The following KLHL4 variants were observed in gnomAD, a reference collection of about 807,000 sequenced individuals.
KLHL4 encodes kelch like family member 4.
Under a neutral mutation model 45.8 loss-of-function variants are expected in KLHL4, and 17 were observed. That is an observed-to-expected ratio of 0.37 (90% CI 0.25 to 0.56). The LOEUF is 0.56. KLHL4 is among the 20% of genes least tolerant of loss of function. The pLI is 0.79. For synonymous variants in KLHL4, 224 were observed against 189.9 expected (o/e 1.18, Z -1.47); for missense variants, 544 against 544.9 (o/e 1.00, Z 0.02).
intron 1 of KLHL4, among the ~76,000 whole-genome samples, chrX:87,558,445 C>T (rs1392181349): frequency 9.0e-6 from 1 of 111,189 alleles, no homozygotes; most frequent in African/African-American, 3.3e-5. Flanking sequence ...TTTATCACAC[C>T]TCAATCATCT....
chrX:87,667,326 G>A lies in KLHL4; in HGVS notation c.*792G>A. 1.4e-6 allele frequency: 1 copy of A among 695,301 alleles called. No homozygotes were observed. The highest frequency in any genetic ancestry group is 1.7e-6 in the Non-Finnish European group (1 of 586,189). The allele number at this position is 695,301 out of a possible 1,213,427, so 57.3% of individuals were successfully genotyped here. A position where few individuals can be genotyped will look rare whatever the true frequency, so the allele number is the denominator to read the frequency against. ...TGTGACCTCAGCTTCAGAGTGTCAG[G>A]GCCTCACTTGTATAGAATGTAATGT... is the stretch of plus-strand genomic sequence containing the variant. On this transcript the variant is annotated 3_prime_UTR_variant, in exon 11 of 11. Transcript: ENST00000373119.
At chrX:87,538,246 A>G (rs1222565370) in intron 1 of KLHL4, among the ~76,000 whole-genome samples, 3 of 111,437 alleles carry the variant, frequency 2.7e-5, no homozygotes, top group African/African-American at 9.8e-5. Flanking sequence ...AGAAGTCCAC[A>G]TGAATCAAAG....
Position 87,574,861 on chromosome X carries a change from CAT to C in KLHL4, c.423-39015_423-39014del, listed in dbSNP as rs1428458328. Among the ~76,000 whole-genome samples the C allele has an allele frequency of 4.5e-5, 5 of 111,836 alleles. No individual in the cohort carries two copies. In the South Asian group the frequency reaches 1.1e-3, roughly 25 times the overall value. ...CAGTGTTGGTGATATAACGAAATAA[CAT>C]GTGTGCCACTGTTCTGTAAAGTGTA... On this transcript the variant is annotated intron_variant, in intron 1 of 10. Coordinates refer to ENST00000373119, the MANE Select transcript of KLHL4 (RefSeq NM_019117.5).
chrX:87,581,111 G>A (rs1181897449), intron 1 of KLHL4, among the ~76,000 whole-genome samples: 1 of 112,489 alleles, frequency 8.9e-6, no homozygotes, highest in East Asian at 2.8e-4. Flanking sequence ...TGGCCAGACT[G>A]CTTTTTTAAG....
chrX:87,657,482 GTAT>G (rs1924030157), intron 9 of KLHL4, among the ~76,000 whole-genome samples: 1 of 112,151 alleles, frequency 8.9e-6, no homozygotes. Context: ...GCCAGTTGTA[GTAT>G]TAATGTACAA....
At chrX:87,580,427 T>C (rs1921238033) in intron 1 of KLHL4, among the ~76,000 whole-genome samples, 1 of 110,791 alleles carries the variant, frequency 9.0e-6, no homozygotes, top group Non-Finnish European at 1.9e-5. Flanking sequence ...ACAGAGTTGC[T>C]GAATGGATAA....
chrX:87,555,355 T>C (rs1257382389), intron 1 of KLHL4, among the ~76,000 whole-genome samples: 1 of 110,985 alleles, frequency 9.0e-6, no homozygotes, highest in Non-Finnish European at 1.9e-5. Context: ...TCCTGGACTC[T>C]TTTTGGTTGG....
intron 1 of KLHL4, among the ~76,000 whole-genome samples, chrX:87,577,230 G>T (rs1386837245): frequency 1.8e-5 from 2 of 111,582 alleles, no homozygotes; most frequent in East Asian, 5.6e-4. Flanking sequence ...TTTTCCCGGA[G>T]CATACACGCC....
chrX:87,611,600 T>C (rs1447687596), intron 1 of KLHL4, among the ~76,000 whole-genome samples: 1 of 110,653 alleles, frequency 9.0e-6, no homozygotes. Flanking sequence ...CACATACAAT[T>C]ATGTACAGTA....
intron 1 of KLHL4, among the ~76,000 whole-genome samples, chrX:87,591,190 C>T (rs924175053): frequency 2.7e-5 from 3 of 111,710 alleles, no homozygotes; most frequent in Non-Finnish European, 5.7e-5. Flanking sequence ...TATCTAATAT[C>T]TTATAGTGGT....
intron 1 of KLHL4, among the ~76,000 whole-genome samples, chrX:87,611,077 T>G (rs2147811796): frequency 9.0e-6 from 1 of 110,834 alleles, no homozygotes; most frequent in Non-Finnish European, 1.9e-5. Flanking sequence ...CTGTCTCTTC[T>G]TAAAAAAAGA....
At chrX:87,604,012 ATTTTATT>A (rs1220431528) in intron 1 of KLHL4, among the ~76,000 whole-genome samples, 2 of 110,680 alleles carry the variant, frequency 1.8e-5, no homozygotes, top group Non-Finnish European at 3.8e-5. Flanking sequence ...AGTGTCTAAC[ATTTTATT>A]TAACATAATG....
At chrX:87,529,505 A>T (rs1358738451) in intron 1 of KLHL4, among the ~76,000 whole-genome samples, 1 of 111,537 alleles carries the variant, frequency 9.0e-6, no homozygotes, top group Non-Finnish European at 1.9e-5. Flanking sequence ...TGACAAAAAA[A>T]CCTAGTCATG....
rs184298420 is a variant in KLHL4, at chrX:87,551,502, G to A, written c.422+33187G>A. ...TTTACAGAATTAGAGAAAACAATTC[G>A]AAAGTTCATAGGGAACCAAAGAAGA... is the stretch of plus-strand genomic sequence containing the variant. On this transcript the variant is annotated intron_variant, in intron 1 of 10. Transcript: ENST00000373119. 2.3e-3 allele frequency among the ~76,000 whole-genome samples: 252 copies of A among 110,843 alleles called. 1 individual carries two copies. Among genetic ancestry groups the A allele is most frequent in the African/African-American group, 7.9e-3 (242 of 30,594 alleles).
Position 87,552,392 on chromosome X carries a change from A to G in KLHL4, c.422+34077A>G, listed in dbSNP as rs752450326. Among the ~76,000 whole-genome samples, 18 of 110,819 alleles carry G rather than the reference A, an allele frequency of 1.6e-4. No homozygotes were observed. In the East Asian group the frequency reaches 4.8e-3, roughly 30 times the overall value. On this transcript the variant is annotated intron_variant, in intron 1 of 10. Coordinates refer to ENST00000373119, the MANE Select transcript of KLHL4 (RefSeq NM_019117.5). The stretch of plus-strand genomic sequence containing the variant: ...CCATAATCAAAAAATAAAAATAAAA[A>G]TAAAAACAGCAGATGTTGGCATTGA...
chrX:87,635,347 T>C (rs1923231113), intron 8 of KLHL4, among the ~76,000 whole-genome samples: 1 of 111,370 alleles, frequency 9.0e-6, no homozygotes, highest in African/African-American at 3.3e-5. Context: ...GAGATTTGGG[T>C]TGGGATAGAT....
At chrX:87,626,999 T>G in intron 6 of KLHL4, among the ~76,000 whole-genome samples, 1 of 111,886 alleles carries the variant, frequency 8.9e-6, no homozygotes, top group Non-Finnish European at 1.9e-5. Flanking sequence ...AGAGAGAGTT[T>G]GGAATGCAGA....
At chrX:87,586,411 A>C (rs1288413566) in intron 1 of KLHL4, among the ~76,000 whole-genome samples, 1 of 111,782 alleles carries the variant, frequency 8.9e-6, no homozygotes, top group African/African-American at 3.2e-5. Context: ...AAAAAACCTG[A>C]AATAATATCA....
rs1303493794 is a variant in KLHL4, at chrX:87,622,335, T to C, written c.1049T>C (p.Met350Thr). 1 of 1,209,037 alleles carries C rather than the reference T, an allele frequency of 8.3e-7. No homozygotes were observed. The highest frequency in any genetic ancestry group is 3.0e-5 in the East Asian group (1 of 33,794). The change falls in exon 5 of 11, where the codon ATG becomes ACG. Residue 350 changes from methionine (M) to threonine (T), a missense_variant. Met to Thr is a moderately conservative substitution (Grantham distance 81). Transcript: ENST00000373119. ...GAAGAGACCATTTTTCATGCTCTAA[T>C]GCAGTGGGTGGGGCATGATGTGCAG... is the stretch of plus-strand genomic sequence containing the variant. ...PDEETIFHALMQWVGHDVQNR... is the reference protein window; with the variant it reads ...PDEETIFHALTQWVGHDVQNR...
Sources: allele counts gnomAD v4.1 joint callset (sites outside exome capture counted in the v4.1 genomes callset), GRCh38; gene constraint gnomAD v4.1.1; transcripts MANE v1.5; gene names NCBI Gene and HGNC (gene_info 2026-07-23, HGNC 2026-07-21).